Variants in JAKMIP1 observed in about 807,000 individuals in gnomAD.
The protein encoded by JAKMIP1 is janus kinase and microtubule-interacting protein 1.
Under a neutral mutation model 113.0 loss-of-function variants are expected in JAKMIP1, and 33 were observed. The observed-to-expected ratio is 0.29, with a 90% CI of 0.22 to 0.39. The LOEUF is 0.39. JAKMIP1 is among the 10% of genes least tolerant of loss of function. The probability of loss-of-function intolerance (pLI) is 1.00; values close to 1 mark genes in which losing one functional copy is unlikely to be tolerated. For missense variants in JAKMIP1, 813 were observed against 1,080.5 expected, an observed-to-expected ratio of 0.75 and a Z score of 3.47; for synonymous variants, 480 against 459.9, an observed-to-expected ratio of 1.04 and a Z score of -0.56.
intron 3 of JAKMIP1, among the ~76,000 whole-genome samples, chr4:6,090,656 G>A (rs573962860): frequency 4.6e-5 from 7 of 151,876 alleles, no homozygotes; most frequent in East Asian, 1.9e-4. Context: ...CATGTTGACC[G>A]TAACCACCTT....
chr4:6,037,201 G>T (rs1713601421), intron 18 of JAKMIP1, among the ~76,000 whole-genome samples: 1 of 145,022 alleles, frequency 6.9e-6, no homozygotes, highest in Non-Finnish European at 1.5e-5. Flanking sequence ...CATCACCGAG[G>T]CAGAGGTTAA....
chr4:6,133,551 T>C (rs1411659556), intron 1 of JAKMIP1, among the ~76,000 whole-genome samples: 1 of 152,204 alleles, frequency 6.6e-6, no homozygotes, highest in Non-Finnish European at 1.5e-5. Context: ...GTTCCTTCTG[T>C]GGGTCTAGTT....
chr4:6,066,830 G>T (rs1413930483), intron 8 of JAKMIP1, among the ~76,000 whole-genome samples: 1 of 152,090 alleles, frequency 6.6e-6, no homozygotes, highest in Non-Finnish European at 1.5e-5. Flanking sequence ...CAAGTGGTCT[G>T]CGAGGCCCTA....
In JAKMIP1 at chr4:6,093,414, C is replaced by A. The variant is rs144039466; in HGVS notation, c.625-7785G>T. Among the ~76,000 whole-genome samples, 646 of 152,306 alleles carry A rather than the reference C, an allele frequency of 4.2e-3. 4 individuals carry two copies. The highest frequency in any genetic ancestry group is 0.015 in the African/African-American group (631 of 41,550). On this transcript the variant is annotated intron_variant, in intron 3 of 20. Transcript: ENST00000409021. This position sits in a 1 kb window ranked among gnomAD's most constrained non-coding sequence, Gnocchi z 4.6. ...GGGCTATATGTGTTCTTGGGCCATTCTGACTGACAGCAAATTTCATGGCCA... is the reference window on the plus strand; with the variant it reads ...GGGCTATATGTGTTCTTGGGCCATTATGACTGACAGCAAATTTCATGGCCA...
chr4:6,095,208 TAGA>T (rs1560175081), intron 3 of JAKMIP1, among the ~76,000 whole-genome samples: 2 of 100,876 alleles, frequency 2.0e-5, no homozygotes, highest in South Asian at 3.0e-4. Context: ...AGGAGGGAAA[TAGA>T]AGAAAGAAGG....
intron 1 of JAKMIP1, among the ~76,000 whole-genome samples, chr4:6,127,104 A>G (rs1349001285): frequency 6.6e-6 from 1 of 152,132 alleles, no homozygotes. Context: ...CTCCCCAGCA[A>G]TCCCCGGCCA....
chr4:6,074,385 C>A (rs2108808976), intron 8 of JAKMIP1, among the ~76,000 whole-genome samples: 1 of 152,292 alleles, frequency 6.6e-6, no homozygotes, highest in East Asian at 1.9e-4. Flanking sequence ...AGGGATGGGG[C>A]TGTCAGATTT....
At chr4:6,126,743 G>C in intron 1 of JAKMIP1, among the ~76,000 whole-genome samples, 1 of 137,098 alleles carries the variant, frequency 7.3e-6, no homozygotes, top group East Asian at 2.2e-4. Context: ...ACACACACCA[G>C]GCAGAAACAC....
In JAKMIP1 at chr4:6,080,655, A is replaced by G. The variant is rs1191383972; in HGVS notation, c.1102-343T>C. Among the ~76,000 whole-genome samples, 1 of 152,156 alleles carries G rather than the reference A, an allele frequency of 6.6e-6. No homozygotes were observed. Among genetic ancestry groups the G allele is most frequent in the Non-Finnish European group, 1.5e-5 (1 of 68,040 alleles). On this transcript the variant is annotated intron_variant, in intron 6 of 20. Coordinates refer to ENST00000409021, the MANE Select transcript of JAKMIP1 (RefSeq NM_001099433.2). The surrounding 1 kb of genome is among the most constrained non-coding windows in gnomAD (Gnocchi z 6.0). Reference sequence around the variant, plus strand: ...AGTCTGTCTTGTCTGCCGCCAAGTAAGATGTGCCTTTAGCTTTCTGCCATG... The same window carrying G: ...AGTCTGTCTTGTCTGCCGCCAAGTAGGATGTGCCTTTAGCTTTCTGCCATG...
chr4:6,073,683 C>T (rs945623991), intron 8 of JAKMIP1, among the ~76,000 whole-genome samples: 4 of 152,184 alleles, frequency 2.6e-5, no homozygotes, highest in African/African-American at 9.7e-5. Flanking sequence ...CCTTAGATCC[C>T]ATGGATATAA....
At chr4:6,166,918 A>G (rs188655755) in intron 1 of JAKMIP1, among the ~76,000 whole-genome samples, 32 of 151,728 alleles carry the variant, frequency 2.1e-4, no homozygotes, top group Admixed American at 5.9e-4. Flanking sequence ...TTCACCCCCA[A>G]CTTCCCCTCC....
At position 6,141,049 on chromosome 4, in the gene JAKMIP1, C is replaced by T. The variant is rs755299874; in HGVS notation, c.-147-28052G>A. ...CTGTAACCTCAGCAGCCAGCATGGG[C>T]CCCCTGCCCAGCATTCACAGCGAAG... On this transcript the variant is annotated intron_variant, in intron 1 of 20. Coordinates refer to ENST00000409021, the MANE Select transcript of JAKMIP1 (RefSeq NM_001099433.2). The surrounding 1 kb of genome is among the most constrained non-coding windows in gnomAD (Gnocchi z 9.4). Among the ~76,000 whole-genome samples the T allele has an allele frequency of 1.3e-5, 2 of 152,310 alleles. No individual in the cohort carries two copies. The highest frequency in any genetic ancestry group is 2.9e-5 in the Non-Finnish European group (2 of 68,026).
At chr4:6,057,292 C>T (rs553117974) in intron 11 of JAKMIP1, among the ~76,000 whole-genome samples, 13 of 152,208 alleles carry the variant, frequency 8.5e-5, no homozygotes, top group Admixed American at 1.3e-4. Flanking sequence ...CTGTGAATCC[C>T]GGAATGGATG....
intron 16 of JAKMIP1, among the ~76,000 whole-genome samples, chr4:6,046,104 T>C (rs1714955171): frequency 6.6e-6 from 1 of 152,182 alleles, no homozygotes; most frequent in Non-Finnish European, 1.5e-5. Context: ...GGCCCACGAC[T>C]GTCCCTGTTT....
intron 1 of JAKMIP1, among the ~76,000 whole-genome samples, chr4:6,170,165 A>ACCCTTCTCACCACCT (rs1724253224): frequency 6.9e-6 from 1 of 145,822 alleles, no homozygotes; most frequent in Non-Finnish European, 1.5e-5. Context: ...CACCACCACC[A>ACCCTTCTCACCACCT]CCCTTCTCAC....
At chr4:6,144,576 C>A (rs761331913) in intron 1 of JAKMIP1, among the ~76,000 whole-genome samples, 1 of 152,178 alleles carries the variant, frequency 6.6e-6, no homozygotes, top group Non-Finnish European at 1.5e-5. Context: ...GGTTTAATAT[C>A]CCAAAATCAA....
In JAKMIP1 at chr4:6,049,789, CG is replaced by C. The variant is rs1560109861; in HGVS notation, c.1962+29del. On this transcript the variant is annotated intron_variant, in intron 15 of 20. Coordinates refer to ENST00000409021, the MANE Select transcript of JAKMIP1 (RefSeq NM_001099433.2). This position sits in a 1 kb window ranked among gnomAD's most constrained non-coding sequence, Gnocchi z 7.0. ...ATACACCCAGATCAAAACAAGAACACGAAAGCAGAAACCGATCGCTCATAGT... is the reference window on the plus strand; with the variant it reads ...ATACACCCAGATCAAAACAAGAACACAAAGCAGAAACCGATCGCTCATAGT... 6.4e-7 allele frequency: 1 copy of C among 1,569,872 alleles called. No homozygotes were observed. Among genetic ancestry groups the C allele is most frequent in the African/African-American group, 1.4e-5 (1 of 73,924 alleles).
rs977815584 is a variant in JAKMIP1, at chr4:6,186,480, T to A, written c.-148+13773A>T. ...ACATCAGCTACAGGCCAGGCATGGC[T>A]TGATGCTACTGACTTCTAACTTCAT... On this transcript the variant is annotated intron_variant, in intron 1 of 20. Transcript: ENST00000409021. This position sits in a 1 kb window ranked among gnomAD's most constrained non-coding sequence, Gnocchi z 5.5. Among the ~76,000 whole-genome samples, 3 of 152,230 alleles carry A rather than the reference T, an allele frequency of 2.0e-5. No individual in the cohort carries two copies. The highest frequency in any genetic ancestry group is 7.2e-5 in the African/African-American group (3 of 41,448).
Position 6,081,606 on chromosome 4 carries a change from C to T in JAKMIP1, c.1101+3G>A. On this transcript the variant is annotated splice_donor_region_variant and intron_variant, in intron 6 of 20. Coordinates refer to ENST00000409021, the MANE Select transcript of JAKMIP1 (RefSeq NM_001099433.2). This position sits in a 1 kb window ranked among gnomAD's most constrained non-coding sequence, Gnocchi z 4.6. ...GGCTGTCCCCAAGGGGTCCACAGCT[C>T]ACCATTTCCACGTTTTCCCGCGTGA... 6.2e-7 allele frequency: 1 copy of T among 1,614,166 alleles called. No individual in the cohort carries two copies. The highest frequency in any genetic ancestry group is 8.5e-7 in the Non-Finnish European group (1 of 1,180,018).
Sources: allele counts gnomAD v4.1 joint callset (sites outside exome capture counted in the v4.1 genomes callset), GRCh38; gene constraint gnomAD v4.1.1; non-coding constraint Gnocchi (gnomAD v3.1); transcripts MANE v1.5; gene names NCBI Gene and HGNC (gene_info 2026-07-23, HGNC 2026-07-21).